The following DGKB variants were observed in gnomAD, a reference collection of about 807,000 sequenced individuals.
The protein encoded by DGKB is diacylglycerol kinase beta, also known as 90 kDa diacylglycerol kinase.
DGKB carries 67 observed loss-of-function variants against 114.3 expected under a neutral mutation model. The ratio of observed to expected loss-of-function variants is 0.59; its 90% CI spans 0.48 to 0.72. The LOEUF is 0.72. Among genes scored for constraint, DGKB ranks in the 30% least tolerant of loss-of-function variants. DGKB has a pLI of 0.00. For synonymous variants in DGKB, 398 were observed against 323.1 expected (o/e 1.23, Z -2.49); for missense variants, 907 against 975.2 (o/e 0.93, Z 0.93).
chr7:14,432,361 A>T (rs1445438611), intron 21 of DGKB, among the ~76,000 whole-genome samples: 1 of 152,184 alleles, frequency 6.6e-6, no homozygotes, highest in Non-Finnish European at 1.5e-5. Context: ...AAGCCCCATC[A>T]TCACTCCCTC....
chr7:14,179,956 T>C (rs780128763), intron 23 of DGKB, among the ~76,000 whole-genome samples: 1 of 152,186 alleles, frequency 6.6e-6, no homozygotes, highest in Non-Finnish European at 1.5e-5. Flanking sequence ...GGACAAGGAA[T>C]GGAAACATAT....
At chr7:14,202,254 A>T (rs1786012389) in intron 23 of DGKB, among the ~76,000 whole-genome samples, 1 of 152,050 alleles carries the variant, frequency 6.6e-6, no homozygotes, top group Non-Finnish European at 1.5e-5. Context: ...TTACTGATAC[A>T]ATTTTACAGA....
chr7:14,872,978 A>T (rs1852706041), intron 1 of DGKB, among the ~76,000 whole-genome samples: 1 of 152,100 alleles, frequency 6.6e-6, no homozygotes, highest in Non-Finnish European at 1.5e-5. Flanking sequence ...TGATAATCAT[A>T]ACACATTAAA....
At chr7:14,628,379 T>G (rs57537395) in intron 14 of DGKB, among the ~76,000 whole-genome samples, 233 of 151,896 alleles carry the variant, frequency 1.5e-3, no homozygotes, top group African/African-American at 5.3e-3. Flanking sequence ...GTGCAAGCTT[T>G]GGGTATTAAT....
At chr7:14,339,625 T>C (rs1457103016) in intron 22 of DGKB, among the ~76,000 whole-genome samples, 1 of 152,074 alleles carries the variant, frequency 6.6e-6, no homozygotes, top group Non-Finnish European at 1.5e-5. Context: ...GTGACAAGAC[T>C]ATTCTGTATT....
At chr7:14,503,664 G>A (rs962554917) in intron 20 of DGKB, among the ~76,000 whole-genome samples, 1 of 152,126 alleles carries the variant, frequency 6.6e-6, no homozygotes, top group African/African-American at 2.4e-5. Context: ...ATGAGGCTAA[G>A]AATCTGCATT....
At chr7:14,725,998 T>C (rs1385999715) in intron 5 of DGKB, among the ~76,000 whole-genome samples, 1 of 152,196 alleles carries the variant, frequency 6.6e-6, no homozygotes, top group Non-Finnish European at 1.5e-5. Flanking sequence ...CCTGTTTTTC[T>C]TCAGTCTCAC....
intron 20 of DGKB, among the ~76,000 whole-genome samples, chr7:14,509,053 G>A (rs1554482852): frequency 6.6e-6 from 1 of 152,072 alleles, no homozygotes; most frequent in Non-Finnish European, 1.5e-5. Flanking sequence ...TTAAATTCCA[G>A]CATTTAGTAC....
At chr7:14,432,484 C>G (rs1828609137) in intron 21 of DGKB, among the ~76,000 whole-genome samples, 1 of 152,152 alleles carries the variant, frequency 6.6e-6, no homozygotes, top group African/African-American at 2.4e-5. Flanking sequence ...ACTTTTAGCT[C>G]TTCACTCTGT....
chr7:14,542,104 C>A (rs1793559081), intron 20 of DGKB, among the ~76,000 whole-genome samples: 2 of 152,082 alleles, frequency 1.3e-5, no homozygotes, highest in South Asian at 4.1e-4. Context: ...ATTGCCTTTA[C>A]AAAATTCTAC....
rs139566118 is a variant in DGKB at position 14,401,884 on chromosome 7, T to C, written c.1836-56493A>G. Among the ~76,000 whole-genome samples the C allele has an allele frequency of 5.9e-3, 895 of 151,838 alleles. 3 individuals carry two copies. Among genetic ancestry groups the C allele is most frequent in the Non-Finnish European group, 9.7e-3 (660 of 67,810 alleles). Reference sequence around the variant, plus strand: ...ACGGATAGGATGTTTTATTCCTTTATGTATGATACCTGTGAATAAAGAAAG... The same window carrying C: ...ACGGATAGGATGTTTTATTCCTTTACGTATGATACCTGTGAATAAAGAAAG... On this transcript the variant is annotated intron_variant, in intron 21 of 25. Coordinates refer to ENST00000402815, the MANE Select transcript of DGKB (RefSeq NM_001350709.2).
chr7:14,687,098 C>T (rs1404613), intron 9 of DGKB, among the ~76,000 whole-genome samples: 83,092 of 151,906 alleles, frequency 0.55, 23,405 homozygotes, highest in East Asian at 0.86. Flanking sequence ...GCACAATCAT[C>T]AATTGGGTCC....
intron 20 of DGKB, among the ~76,000 whole-genome samples, chr7:14,531,068 A>G (rs1352576481): frequency 6.6e-6 from 1 of 151,558 alleles, no homozygotes; most frequent in East Asian, 1.9e-4. Context: ...GAAAATACAC[A>G]TAAAGTGCAG....
At chr7:14,388,724 T>C (rs1312070576) in intron 21 of DGKB, among the ~76,000 whole-genome samples, 1 of 152,178 alleles carries the variant, frequency 6.6e-6, no homozygotes, top group Non-Finnish European at 1.5e-5. Flanking sequence ...TTAAAAATTC[T>C]TTCAGGAAGA....
chr7:14,403,949 T>A (rs1823539515), intron 21 of DGKB, among the ~76,000 whole-genome samples: 1 of 151,846 alleles, frequency 6.6e-6, no homozygotes, highest in Non-Finnish European at 1.5e-5. Flanking sequence ...CCCACTTAAA[T>A]AATTATTATA....
At chr7:14,907,636 A>C (rs1032239804), upstream of DGKB, among the ~76,000 whole-genome samples, 1 of 152,194 alleles carries the variant, frequency 6.6e-6, no homozygotes, top group Non-Finnish European at 1.5e-5. Flanking sequence ...TTCTGAGGTT[A>C]ATATTTAAGT....
rs78995653 is a variant in DGKB at position 14,217,598 on chromosome 7, T to G, written c.2123-39447A>C. ...TATGCTGACCAGTTACACGGGAAAT[T>G]AAAAAAAAAACTAGAACGTACATGA... On this transcript the variant is annotated intron_variant, in intron 23 of 25. Coordinates refer to ENST00000402815, the MANE Select transcript of DGKB (RefSeq NM_001350709.2). 6.0e-3 allele frequency among the ~76,000 whole-genome samples: 867 copies of G among 145,670 alleles called. 7 individuals are homozygous for G. The highest frequency in any genetic ancestry group is 0.021 in the African/African-American group (830 of 39,712).
At chr7:14,320,934 T>C (rs1011289259) in intron 23 of DGKB, among the ~76,000 whole-genome samples, 1 of 152,176 alleles carries the variant, frequency 6.6e-6, no homozygotes, top group African/African-American at 2.4e-5. Flanking sequence ...CAGTGTTGTA[T>C]AACAAGATAA....
intron 21 of DGKB, among the ~76,000 whole-genome samples, chr7:14,425,964 T>G (rs1244469016): frequency 6.6e-6 from 1 of 152,146 alleles, no homozygotes; most frequent in Non-Finnish European, 1.5e-5. Context: ...GGTAACAGTT[T>G]GAAAGAAAAT....
Sources: gnomAD v4.1 joint callset for allele counts (sites outside exome capture counted in the v4.1 genomes callset) on GRCh38, gnomAD v4.1.1 for gene constraint, MANE v1.5 for transcripts, NCBI Gene and HGNC (gene_info 2026-07-23, HGNC 2026-07-21) for gene names.